GSG1L: variants seen among roughly 807,000 people sequenced by gnomAD.
GSG1L encodes the protein germ cell-specific gene 1-like protein.
A neutral mutation model predicts 42.1 loss-of-function variants in GSG1L; 24 were observed. The observed-to-expected ratio is 0.57, with a 90% CI of 0.41 to 0.80. GSG1L has a LOEUF of 0.80. GSG1L is among the 30% of genes least tolerant of loss of function. The pLI is 0.00. For synonymous variants in GSG1L, 215 were observed against 203.5 expected (o/e 1.06, Z -0.48); for missense variants, 445 against 472.2 (o/e 0.94, Z 0.53).
chr16:27,949,651 C>T (rs1052408445), intron 2 of GSG1L, among the ~76,000 whole-genome samples: 3 of 151,934 alleles, frequency 2.0e-5, no homozygotes, highest in South Asian at 2.1e-4. Context: ...GACAGGCCGG[C>T]GCAGTGGCTC....
At chr16:27,838,248 A>G (rs2083340957) in intron 4 of GSG1L, among the ~76,000 whole-genome samples, 1 of 152,240 alleles carries the variant, frequency 6.6e-6, no homozygotes, top group South Asian at 2.1e-4. Flanking sequence ...GGATAAACAC[A>G]GATAAAATAA....
At chr16:27,928,329 C>G (rs1436046980) in intron 2 of GSG1L, among the ~76,000 whole-genome samples, 1 of 152,110 alleles carries the variant, frequency 6.6e-6, no homozygotes, top group Non-Finnish European at 1.5e-5. Flanking sequence ...CCTTGCAGAA[C>G]TTTCTCCCTA....
At chr16:27,949,787 C>T (rs577751812) in intron 2 of GSG1L, among the ~76,000 whole-genome samples, 1 of 151,496 alleles carries the variant, frequency 6.6e-6, no homozygotes, top group African/African-American at 2.4e-5. Flanking sequence ...TAGCTGGTTG[C>T]GGTGGTGGGC....
intron 1 of GSG1L, among the ~76,000 whole-genome samples, chr16:28,044,623 CT>C (rs71140942): frequency 0.2 from 26,191 of 130,362 alleles, 2,173 homozygotes; most frequent in South Asian, 0.41. Flanking sequence ...GCAACGAATG[CT>C]TTTTTTTTTT....
Position 28,054,012 on chromosome 16 carries a change from C to T in GSG1L, c.349+9064G>A, listed in dbSNP as rs188066300. Among the ~76,000 whole-genome samples, 20 of 152,212 alleles carry T rather than the reference C, an allele frequency of 1.3e-4. 1 individual carries two copies. Among genetic ancestry groups the T allele is most frequent in the African/African-American group, 4.3e-4 (18 of 41,544 alleles). Reference sequence around the variant, plus strand: ...CTTCTGTGGTCCCCTCGGTCCCCCTCGCAGCCTCCCTCTGCATCCTTCTCA... The same window carrying T: ...CTTCTGTGGTCCCCTCGGTCCCCCTTGCAGCCTCCCTCTGCATCCTTCTCA... On this transcript the variant is annotated intron_variant, in intron 1 of 6. Transcript: ENST00000447459.
intron 2 of GSG1L, among the ~76,000 whole-genome samples, chr16:27,917,948 A>AG (rs1458584179): frequency 1.3e-5 from 2 of 152,096 alleles, no homozygotes; most frequent in Non-Finnish European, 2.9e-5. Context: ...ACCAAAAAAA[A>AG]AATCCCTGAT....
chr16:27,833,912 T>C (rs1412013675), intron 4 of GSG1L, among the ~76,000 whole-genome samples: 1 of 152,168 alleles, frequency 6.6e-6, no homozygotes, highest in Non-Finnish European at 1.5e-5. Flanking sequence ...TCTATTACAA[T>C]CTGTATACTT....
chr16:28,020,312 A>C (rs1008088023), intron 1 of GSG1L, among the ~76,000 whole-genome samples: 1 of 152,172 alleles, frequency 6.6e-6, no homozygotes, highest in Non-Finnish European at 1.5e-5. Context: ...TCATTGTTAT[A>C]AGGGGTGTCA....
chr16:27,827,740 C>T (rs2083226852), intron 5 of GSG1L, among the ~76,000 whole-genome samples: 1 of 152,170 alleles, frequency 6.6e-6, no homozygotes, highest in South Asian at 2.1e-4. Flanking sequence ...ATTCATCCAG[C>T]CAGCCTTCTG....
At position 27,917,462 on chromosome 16, in the gene GSG1L, A is replaced by G. The variant is rs147666503; in HGVS notation, c.398-32824T>C. Among the ~76,000 whole-genome samples the G allele has an allele frequency of 7.4e-4, 112 of 152,298 alleles. 1 individual carries two copies. Among genetic ancestry groups the G allele is most frequent in the Admixed American group, 1.2e-3 (19 of 15,300 alleles). Reference sequence around the variant, plus strand: ...CAGGAATGTAGCTGTGGAGAAAGAAAGGGTGTTCCAGGTAGAGAGGAACAG... The same window carrying G: ...CAGGAATGTAGCTGTGGAGAAAGAAGGGGTGTTCCAGGTAGAGAGGAACAG... On this transcript the variant is annotated intron_variant, in intron 2 of 6. Transcript: ENST00000447459.
chr16:27,996,682 C>T (rs1251184815), intron 1 of GSG1L, among the ~76,000 whole-genome samples: 1 of 152,234 alleles, frequency 6.6e-6, no homozygotes, highest in African/African-American at 2.4e-5. Flanking sequence ...CCATCAGACG[C>T]TCTATTCATT....
intron 1 of GSG1L, among the ~76,000 whole-genome samples, chr16:27,981,425 TG>T (rs1212550063): frequency 2.0e-5 from 3 of 152,072 alleles, no homozygotes; most frequent in Non-Finnish European, 4.4e-5. Context: ...GGAATTCAGC[TG>T]GGGGAAAAAA....
rs1006239937 is a variant in GSG1L, at chr16:27,956,684, A to C, written c.397+6472T>G. ...TACCATGAAAAAACCTCCACCAAGC[A>C]CCTACTATCCCCTCTACCTGAACAG... On this transcript the variant is annotated intron_variant, in intron 2 of 6. Transcript: ENST00000447459. 3.3e-5 allele frequency among the ~76,000 whole-genome samples: 5 copies of C among 151,992 alleles called. No individual in the cohort carries two copies. The South Asian group carries it at 6.2e-4, about 19-fold the overall frequency.
chr16:28,051,606 G>A (rs927546058), intron 1 of GSG1L, among the ~76,000 whole-genome samples: 10 of 152,158 alleles, frequency 6.6e-5, no homozygotes, highest in Non-Finnish European at 1.2e-4. Context: ...CACAAGGAAC[G>A]TTTGAGGGAA....
rs369199238 is a variant in GSG1L, at chr16:27,859,370, T to C, written c.551-14309A>G. 2.1e-4 allele frequency among the ~76,000 whole-genome samples: 32 copies of C among 152,300 alleles called. No individual in the cohort carries two copies. In the East Asian group the frequency reaches 4.4e-3, roughly 21 times the overall value. On this transcript the variant is annotated intron_variant, in intron 3 of 6. Coordinates refer to ENST00000447459, the MANE Select transcript of GSG1L (RefSeq NM_001109763.2). Reference sequence around the variant, plus strand: ...GGCCAGAATGACAGGCAGACAAAGCTGGAGTGAGGTCACGCAGAAGCATGG... The same window carrying C: ...GGCCAGAATGACAGGCAGACAAAGCCGGAGTGAGGTCACGCAGAAGCATGG...
intron 4 of GSG1L, among the ~76,000 whole-genome samples, chr16:27,840,723 T>G (rs1464646980): frequency 6.6e-6 from 1 of 152,190 alleles, no homozygotes; most frequent in African/African-American, 2.4e-5. Flanking sequence ...ACTGTGTGAT[T>G]TCTGAGGTTG....
chr16:27,830,803 A>T (rs2083267067), intron 4 of GSG1L, among the ~76,000 whole-genome samples: 3 of 152,246 alleles, frequency 2.0e-5, no homozygotes, highest in Non-Finnish European at 4.4e-5. Context: ...TACTAGCATG[A>T]TGGAAACTCA....
At chr16:27,980,914 AAAAG>A (rs2085319367) in intron 1 of GSG1L, among the ~76,000 whole-genome samples, 1 of 151,512 alleles carries the variant, frequency 6.6e-6, no homozygotes, top group Admixed American at 6.6e-5. Flanking sequence ...AAAAAAAAAA[AAAAG>A]AAAGAAAGAA....
chr16:27,991,286 G>A (rs1028848681), intron 1 of GSG1L, among the ~76,000 whole-genome samples: 1 of 151,848 alleles, frequency 6.6e-6, no homozygotes, highest in Admixed American at 6.6e-5. Context: ...TTTTCTTCGT[G>A]ATGTTTTTAG....
Sources: allele counts gnomAD v4.1 joint callset (sites outside exome capture counted in the v4.1 genomes callset), GRCh38; gene constraint gnomAD v4.1.1; transcripts MANE v1.5; gene names NCBI Gene and HGNC (gene_info 2026-07-23, HGNC 2026-07-21).